The following USP13 variants were observed in gnomAD, a reference collection of about 807,000 sequenced individuals.
The protein encoded by USP13 is ubiquitin carboxyl-terminal hydrolase 13.
A neutral mutation model predicts 107.8 loss-of-function variants in USP13; 68 were observed. That is an observed-to-expected ratio of 0.63 (90% CI 0.52 to 0.77). The LOEUF is 0.77. Ranked by LOEUF, USP13 falls within the 30% of genes least tolerant of loss-of-function variation. USP13 has a pLI of 0.00. For missense variants in USP13, 945 were observed against 1,093.3 expected (o/e 0.86, Z 1.91); for synonymous variants, 377 against 389.5 (o/e 0.97, Z 0.38).
At chr3:179,673,386 G>A (rs1195644484) in intron 1 of USP13, among the ~76,000 whole-genome samples, 4 of 74,644 alleles carry the variant, frequency 5.4e-5, no homozygotes, top group African/African-American at 2.6e-4. Flanking sequence ...TGGTGAATAT[G>A]ACACAGTTTT....
chr3:179,733,804 T>A (rs1261435982), intron 10 of USP13, among the ~76,000 whole-genome samples: 1 of 152,196 alleles, frequency 6.6e-6, no homozygotes, highest in African/African-American at 2.4e-5. Context: ...AGGGCCAGGC[T>A]CTTCCTCTAT....
chr3:179,701,122 C>T lies in USP13; in HGVS notation c.470C>T (p.Pro157Leu). 1 of 1,590,456 alleles carries T rather than the reference C, an allele frequency of 6.3e-7. No individual in the cohort carries two copies. The highest frequency in any genetic ancestry group is 8.6e-7 in the Non-Finnish European group (1 of 1,165,600). ...EIALPNIEEL[P>L]ALVTIACDAV... ...GCACTACCAAATATTGAGGAGTTAC[C>T]AGCCCTGGTCAGTGAGTGTGCACGG... The change falls in exon 4 of 21, where the codon CCA becomes CTA. Residue 157 changes from proline to leucine, a missense_variant. Coordinates refer to ENST00000263966, the MANE Select transcript of USP13 (RefSeq NM_003940.3).
intron 17 of USP13, among the ~76,000 whole-genome samples, chr3:179,762,412 C>A (rs892564855): frequency 1.3e-5 from 2 of 152,256 alleles, no homozygotes; most frequent in East Asian, 3.9e-4. Flanking sequence ...GAAACCCCAT[C>A]TCTATTAAAA....
At chr3:179,672,504 C>T (rs1268722979) in intron 1 of USP13, among the ~76,000 whole-genome samples, 3 of 152,050 alleles carry the variant, frequency 2.0e-5, no homozygotes, top group Non-Finnish European at 2.9e-5. Flanking sequence ...CCTGCCTCAG[C>T]CTACTGAATA....
At chr3:179,760,525 C>T (rs368228933) in intron 16 of USP13, among the ~76,000 whole-genome samples, 150 of 152,214 alleles carry the variant, frequency 9.9e-4, no homozygotes, top group Middle Eastern at 3.4e-3. Flanking sequence ...CCTCATAATC[C>T]GCCCGCCTCG....
At chr3:179,773,106 G>T (rs114164029) in intron 19 of USP13, among the ~76,000 whole-genome samples, 2 of 152,194 alleles carry the variant, frequency 1.3e-5, no homozygotes, top group Non-Finnish European at 1.5e-5. Flanking sequence ...AGTGTTGGAG[G>T]TGGGACCTGG....
chr3:179,712,438 T>G (rs1224182161), intron 6 of USP13, among the ~76,000 whole-genome samples: 1 of 152,104 alleles, frequency 6.6e-6, no homozygotes, highest in African/African-American at 2.4e-5. Context: ...CATTTTAGTC[T>G]TTTCTCTTTT....
intron 1 of USP13, among the ~76,000 whole-genome samples, chr3:179,669,200 C>A (rs1308686761): frequency 6.6e-6 from 1 of 152,238 alleles, no homozygotes; most frequent in Admixed American, 6.5e-5. Flanking sequence ...GTGGCTCACG[C>A]CTCTAATCCC....
At chr3:179,714,846 G>A (rs1037433521) in intron 6 of USP13, among the ~76,000 whole-genome samples, 3 of 150,566 alleles carry the variant, frequency 2.0e-5, no homozygotes, top group African/African-American at 7.3e-5. Flanking sequence ...GTCTGTCCTG[G>A]CGGTTCTCTT....
chr3:179,654,618 T>TCACCCGGCAGATCTCAATGC (rs1720196913), intron 1 of USP13, among the ~76,000 whole-genome samples: 1 of 152,230 alleles, frequency 6.6e-6, no homozygotes, highest in Non-Finnish European at 1.5e-5. Context: ...ATCTCATATG[T>TCACCCGGCAGATCTCAATGC]CACCCGGCAG....
In USP13 at chr3:179,754,826, C is replaced by G. The variant is rs61750382; in HGVS notation, c.1893C>G (p.Pro631=). ...AGGAAGAACTTCCAGACATCAGCCC[C>G]CCCATAGTCATTCCTGATGACTCAA... The part of the protein sequence containing the change: ...PGEEELPDIS[P]PIVIPDDSKD... Residue 631 remains proline (P), a synonymous_variant, in exon 15 of 21, where the codon CCC becomes CCG. Coordinates refer to ENST00000263966, the MANE Select transcript of USP13 (RefSeq NM_003940.3). The G allele has an allele frequency of 8.8e-3, 14,176 of 1,612,340 alleles. 1,027 individuals carry two copies. In the African/African-American group the frequency reaches 0.16, roughly 18 times the overall value.
chr3:179,672,322 G>T (rs927947212), intron 1 of USP13, among the ~76,000 whole-genome samples: 1 of 152,044 alleles, frequency 6.6e-6, no homozygotes, highest in Non-Finnish European at 1.5e-5. Flanking sequence ...ATATTGAAAT[G>T]CATTGAAGAC....
At chr3:179,694,690 A>G (rs1179916127) in intron 3 of USP13, among the ~76,000 whole-genome samples, 1 of 149,158 alleles carries the variant, frequency 6.7e-6, no homozygotes, top group East Asian at 2.1e-4. Flanking sequence ...AATCCCAGCT[A>G]TTTGTGAGGC....
At chr3:179,694,799 C>CAAAAAA (rs576517737) in intron 3 of USP13, among the ~76,000 whole-genome samples, 4 of 82,122 alleles carry the variant, frequency 4.9e-5, no homozygotes, top group African/African-American at 9.3e-5. Context: ...AACTCCATCT[C>CAAAAAA]AAAAAAAAAA....
intron 4 of USP13, among the ~76,000 whole-genome samples, chr3:179,702,654 G>A (rs2300771): frequency 0.37 from 55,710 of 152,124 alleles, 12,429 homozygotes; most frequent in Non-Finnish European, 0.48. Flanking sequence ...AGAATTTTGT[G>A]TGTATTTATT....
chr3:179,658,202 C>T (rs1009269124), intron 1 of USP13, among the ~76,000 whole-genome samples: 1 of 152,170 alleles, frequency 6.6e-6, no homozygotes, highest in Non-Finnish European at 1.5e-5. Context: ...GATCCGCCCA[C>T]CTTGGCCTCC....
intron 8 of USP13, among the ~76,000 whole-genome samples, chr3:179,726,247 T>C (rs372515086): frequency 6.6e-6 from 1 of 152,034 alleles, no homozygotes; most frequent in Non-Finnish European, 1.5e-5. Flanking sequence ...CCTTGAGACA[T>C]GAGCAAGTCT....
At chr3:179,684,337 G>T (rs1233724099) in intron 2 of USP13, among the ~76,000 whole-genome samples, 1 of 145,358 alleles carries the variant, frequency 6.9e-6, no homozygotes, top group Non-Finnish European at 1.5e-5. Context: ...TTGAGACATG[G>T]TCTCACTCTG....
intron 3 of USP13, among the ~76,000 whole-genome samples, chr3:179,693,039 A>G (rs537275421): frequency 6.6e-6 from 1 of 152,330 alleles, no homozygotes; most frequent in East Asian, 1.9e-4. Context: ...AAAGTGTTCT[A>G]TGACTATATT....
Sources: allele counts gnomAD v4.1 joint callset (sites outside exome capture counted in the v4.1 genomes callset), GRCh38; gene constraint gnomAD v4.1.1; transcripts MANE v1.5; gene names NCBI Gene and HGNC (gene_info 2026-07-23, HGNC 2026-07-21).